The following EYS variants were observed in gnomAD, a reference collection of about 807,000 sequenced individuals.
EYS encodes EGF-like photoreceptor maintenance factor.
EYS carries 250 observed loss-of-function variants against 282.1 expected under a neutral mutation model. That is an observed-to-expected ratio of 0.89 (90% CI 0.80 to 0.98). The LOEUF is 0.98. Among genes scored for constraint, EYS ranks in the 50% least tolerant of loss-of-function variants. The pLI is 0.00. For synonymous variants in EYS, 1,355 were observed against 1,282.9 expected, an observed-to-expected ratio of 1.06 and a Z score of -1.20; for missense variants, 4,016 against 3,709.0, an observed-to-expected ratio of 1.08 and a Z score of -2.15.
intron 33 of EYS, among the ~76,000 whole-genome samples, chr6:64,044,275 T>C (rs2149839227): frequency 6.6e-6 from 1 of 152,364 alleles, no homozygotes; most frequent in East Asian, 1.9e-4. Flanking sequence ...TTCCATTAAT[T>C]AACAGAGAGC....
intron 2 of EYS, among the ~76,000 whole-genome samples, chr6:65,625,395 T>C (rs1445738974): frequency 1.3e-5 from 2 of 152,222 alleles, no homozygotes; most frequent in African/African-American, 2.4e-5. Flanking sequence ...CAATTTGTTA[T>C]AGCAACAGAA....
chr6:64,903,197 A>C (rs1167049388), intron 16 of EYS, among the ~76,000 whole-genome samples: 1 of 152,166 alleles, frequency 6.6e-6, no homozygotes, highest in Non-Finnish European at 1.5e-5. Flanking sequence ...AGTATAACAA[A>C]ATATATGTGT....
At chr6:64,292,325 A>C (rs910451649) in intron 30 of EYS, among the ~76,000 whole-genome samples, 6 of 152,304 alleles carry the variant, frequency 3.9e-5, no homozygotes, top group Middle Eastern at 3.4e-3. Flanking sequence ...TAGCCTTTAG[A>C]TTGTGAAATA....
At chr6:64,125,404 C>CTTTT (rs527569208) in intron 31 of EYS, among the ~76,000 whole-genome samples, 24 of 145,306 alleles carry the variant, frequency 1.7e-4, no homozygotes, top group African/African-American at 5.8e-4. Context: ...GAAAGGAGCA[C>CTTTT]TTTTTTTTTT....
chr6:65,576,242 G>C (rs1764662967), intron 2 of EYS, among the ~76,000 whole-genome samples: 1 of 151,836 alleles, frequency 6.6e-6, no homozygotes, highest in Non-Finnish European at 1.5e-5. Flanking sequence ...ATCAAGTGGA[G>C]GATTTATCCT....
chr6:64,068,067 C>A (rs926152736), intron 32 of EYS, among the ~76,000 whole-genome samples: 4 of 151,986 alleles, frequency 2.6e-5, no homozygotes, highest in Non-Finnish European at 5.9e-5. Context: ...GTAGCTATTG[C>A]CAGTTTTCCA....
At chr6:64,613,816 C>G (rs1487634330) in intron 24 of EYS, among the ~76,000 whole-genome samples, 1 of 152,136 alleles carries the variant, frequency 6.6e-6, no homozygotes, top group Non-Finnish European at 1.5e-5. Context: ...GGAGAAAAAT[C>G]CCCTCATGCT....
chr6:64,020,346 A>T (rs1440218771), intron 33 of EYS, among the ~76,000 whole-genome samples: 1 of 152,190 alleles, frequency 6.6e-6, no homozygotes, highest in African/African-American at 2.4e-5. Context: ...TATAAATGTA[A>T]TATATCATAA....
intron 29 of EYS, among the ~76,000 whole-genome samples, chr6:64,344,211 G>T (rs977871346): frequency 1.2e-4 from 18 of 152,094 alleles, no homozygotes; most frequent in Non-Finnish European, 2.2e-4. Flanking sequence ...ATTTCATGAG[G>T]CCAGCATCAT....
At chr6:65,343,545 T>C (rs1171372565) in intron 10 of EYS, among the ~76,000 whole-genome samples, 3 of 151,316 alleles carry the variant, frequency 2.0e-5, no homozygotes, top group Admixed American at 6.6e-5. Context: ...CTCTCTTTTA[T>C]TCTTGCCATA....
intron 36 of EYS, among the ~76,000 whole-genome samples, chr6:63,833,829 C>A (rs1256430993): frequency 2.0e-5 from 3 of 152,284 alleles, no homozygotes; most frequent in Admixed American, 6.5e-5. Context: ...GCTACAGTAA[C>A]CAAAACAGCA....
At position 64,523,047 on chromosome 6, in the gene EYS, CT is replaced by C. The variant is rs1370736330; in HGVS notation, c.5644+67175del. On this transcript the variant is annotated intron_variant, in intron 26 of 42. Transcript: ENST00000503581. The stretch of plus-strand genomic sequence containing the variant: ...TGTCATTTTAGTTAAGGTTTATGAG[CT>C]GTTTTTTTTTTCCCCCTACAGGTGA... Among the ~76,000 whole-genome samples the C allele has an allele frequency of 1.1e-4, 17 of 148,390 alleles. No homozygotes were observed. The East Asian group carries it at 2.7e-3, about 24-fold the overall frequency.
Position 64,307,083 on chromosome 6 carries a change from CTG to C in EYS, c.6079-3_6079-2del, listed in dbSNP as rs1491200209. 5.8e-6 allele frequency: 7 copies of C among 1,212,362 alleles called. No individual in the cohort carries two copies. Among genetic ancestry groups the C allele is most frequent in the South Asian group, 1.3e-5 (1 of 74,902 alleles). 75.1% of individuals were successfully genotyped at this position (1,212,362 alleles called of 1,614,324 possible). ...TAAAATTCTTGACTGGTACAGGCATCTGAGAGAGAGAGAGAGAGAGAGAAGTA... is the reference window on the plus strand; with the variant it reads ...TAAAATTCTTGACTGGTACAGGCATCAGAGAGAGAGAGAGAGAGAGAAGTA... On this transcript the variant is annotated splice_acceptor_variant and splice_polypyrimidine_tract_variant and intron_variant, in intron 29 of 42. Transcript: ENST00000503581. LOFTEE classifies it high-confidence loss of function.
intron 35 of EYS, among the ~76,000 whole-genome samples, chr6:63,974,235 G>C (rs1285154711): frequency 6.6e-6 from 1 of 151,504 alleles, no homozygotes; most frequent in Non-Finnish European, 1.5e-5. Context: ...GCATTTTTTT[G>C]GTGCATGAAT....
chr6:64,453,646 T>G (rs1383746033), intron 26 of EYS, among the ~76,000 whole-genome samples: 4 of 152,026 alleles, frequency 2.6e-5, no homozygotes, highest in East Asian at 3.9e-4. Context: ...AGAAAATGTG[T>G]CACATTTACA....
chr6:65,660,050 T>C (rs1222520580), intron 1 of EYS, among the ~76,000 whole-genome samples: 1 of 151,396 alleles, frequency 6.6e-6, no homozygotes, highest in Non-Finnish European at 1.5e-5. Context: ...AATGACAGGG[T>C]ATAGTGCAAA....
intron 2 of EYS, among the ~76,000 whole-genome samples, chr6:65,498,612 T>G (rs2127274983): frequency 6.6e-6 from 1 of 152,008 alleles, no homozygotes; most frequent in Non-Finnish European, 1.5e-5. Flanking sequence ...CTTGATGCAT[T>G]GCATTTCCAC....
At chr6:65,640,231 A>C (rs1166273971) in intron 1 of EYS, among the ~76,000 whole-genome samples, 1 of 152,140 alleles carries the variant, frequency 6.6e-6, no homozygotes, top group East Asian at 1.9e-4. Flanking sequence ...AAACCTATGA[A>C]CCCAAATGCC....
chr6:64,197,219 T>G (rs1310259968), intron 31 of EYS, among the ~76,000 whole-genome samples: 1 of 152,162 alleles, frequency 6.6e-6, no homozygotes, highest in Non-Finnish European at 1.5e-5. Context: ...AAATATTTTG[T>G]TTTTCCATCT....
Sources: allele counts gnomAD v4.1 joint callset (sites outside exome capture counted in the v4.1 genomes callset), GRCh38; gene constraint gnomAD v4.1.1; transcripts MANE v1.5; gene names NCBI Gene and HGNC (gene_info 2026-07-23, HGNC 2026-07-21).